The following UMAD1 variants were observed in gnomAD, a reference collection of about 807,000 sequenced individuals.
The protein encoded by UMAD1 is UBAP1-MVB12-associated (UMA) domain containing 1.
In UMAD1, 8 loss-of-function variants were observed where a neutral mutation model predicts 6.1. The ratio of observed to expected loss-of-function variants is 1.30; its 90% CI spans 0.76 to 2.35. The LOEUF is 2.35. Ranked by LOEUF, UMAD1 falls within the 30% of genes most tolerant of loss-of-function variation. The pLI is 0.00. For synonymous variants in UMAD1, 56 were observed against 31.4 expected (o/e 1.78, Z -2.61); for missense variants, 130 against 78.4 (o/e 1.66, Z -2.49).
rs972172645 is a variant in UMAD1, at chr7:7,834,556, C to T, written c.156+32813C>T. 5.8e-4 allele frequency among the ~76,000 whole-genome samples: 88 copies of T among 152,164 alleles called. 1 individual carries two copies. The highest frequency in any genetic ancestry group is 5.2e-3 in the Admixed American group (80 of 15,270). On this transcript the variant is annotated intron_variant, in intron 3 of 3. Transcript: ENST00000682710. Reference sequence around the variant, plus strand: ...TCTAAGATCAAGATTCTGGCCAATTCGGTTCCTGATGAAGAACCCCTTCAT... The same window carrying T: ...TCTAAGATCAAGATTCTGGCCAATTTGGTTCCTGATGAAGAACCCCTTCAT...
intron 3 of UMAD1, among the ~76,000 whole-genome samples, chr7:7,851,593 A>G (rs185406207): frequency 4.1e-4 from 63 of 152,314 alleles, no homozygotes; most frequent in African/African-American, 1.4e-3. Flanking sequence ...GATTATAACC[A>G]TCCTGCTGGG....
At chr7:7,688,037 C>A (rs554594857) in intron 2 of UMAD1, among the ~76,000 whole-genome samples, 13 of 152,212 alleles carry the variant, frequency 8.5e-5, no homozygotes, top group African/African-American at 3.1e-4. Context: ...GTCCCTGTTG[C>A]TGTTGCTATG....
chr7:7,709,594 A>G (rs1311031327), intron 2 of UMAD1, among the ~76,000 whole-genome samples: 1 of 152,242 alleles, frequency 6.6e-6, no homozygotes, highest in Non-Finnish European at 1.5e-5. Context: ...ATGGTTTGTC[A>G]GAAGTCACCT....
In UMAD1 at chr7:7,830,086, T is replaced by G. The variant is rs979646560; in HGVS notation, c.156+28343T>G. 1.3e-5 allele frequency among the ~76,000 whole-genome samples: 2 copies of G among 152,130 alleles called. No individual in the cohort carries two copies. Among genetic ancestry groups the G allele is most frequent in the Admixed American group, 1.3e-4 (2 of 15,258 alleles). ...GTTTTCTACTTTAAAAAAGAAAAGT[T>G]ATATTATTTTCCCACCTCTCCCTCA... is the stretch of plus-strand genomic sequence containing the variant. On this transcript the variant is annotated intron_variant, in intron 3 of 3. Transcript: ENST00000682710. This position sits in a 1 kb window ranked among gnomAD's most constrained non-coding sequence, Gnocchi z 5.3.
intron 2 of UMAD1, among the ~76,000 whole-genome samples, chr7:7,725,804 A>G (rs1781128348): frequency 1.3e-5 from 2 of 152,192 alleles, no homozygotes; most frequent in Admixed American, 1.3e-4. Flanking sequence ...GACTGCACCA[A>G]TGGCCTTTTG....
At chr7:7,774,266 T>G (rs1290570254) in intron 2 of UMAD1, among the ~76,000 whole-genome samples, 1 of 152,140 alleles carries the variant, frequency 6.6e-6, no homozygotes. Flanking sequence ...AGAGTAACAA[T>G]TAAGAAACTG....
At chr7:7,781,859 T>G (rs16871575) in intron 2 of UMAD1, among the ~76,000 whole-genome samples, 1 of 127,394 alleles carries the variant, frequency 7.8e-6, no homozygotes, top group Non-Finnish European at 1.8e-5. Context: ...AATAGAAAAA[T>G]GGTAACCTTG....
At chr7:7,828,941 A>G (rs1783404531) in intron 3 of UMAD1, among the ~76,000 whole-genome samples, 1 of 152,166 alleles carries the variant, frequency 6.6e-6, no homozygotes, top group African/African-American at 2.4e-5. Context: ...TATTATCTTA[A>G]ATTAAGGTAG....
chr7:7,768,607 G>A (rs187180176), intron 2 of UMAD1, among the ~76,000 whole-genome samples: 2 of 152,050 alleles, frequency 1.3e-5, no homozygotes, highest in East Asian at 1.9e-4. Flanking sequence ...CTTCAATGTC[G>A]TGCTTCATTT....
intron 2 of UMAD1, among the ~76,000 whole-genome samples, chr7:7,712,433 C>G (rs1261256669): frequency 6.6e-6 from 1 of 152,010 alleles, no homozygotes; most frequent in Non-Finnish European, 1.5e-5. Flanking sequence ...CTGCTTTTGT[C>G]AGATTTATTC....
chr7:7,654,217 A>C (rs1785290587), intron 1 of UMAD1, among the ~76,000 whole-genome samples: 1 of 152,246 alleles, frequency 6.6e-6, no homozygotes, highest in Non-Finnish European at 1.5e-5. Context: ...TCTCTAGTAG[A>C]TACTTTGAGG....
intron 2 of UMAD1, among the ~76,000 whole-genome samples, chr7:7,689,059 C>T (rs1257294306): frequency 1.3e-5 from 2 of 152,182 alleles, no homozygotes; most frequent in East Asian, 3.9e-4. Context: ...CCTACCTCTG[C>T]TTGACCATGC....
At chr7:7,704,682 A>C (rs1780552288) in intron 2 of UMAD1, among the ~76,000 whole-genome samples, 1 of 143,916 alleles carries the variant, frequency 6.9e-6, no homozygotes, top group African/African-American at 2.6e-5. Context: ...GGTGAGAATC[A>C]CTTGAACCCA....
At chr7:7,667,523 T>G (rs1779496385) in intron 1 of UMAD1, among the ~76,000 whole-genome samples, 1 of 152,196 alleles carries the variant, frequency 6.6e-6, no homozygotes, top group South Asian at 2.1e-4. Flanking sequence ...TGCAGTTTTT[T>G]TTCCCTAAAT....
intron 2 of UMAD1, among the ~76,000 whole-genome samples, chr7:7,786,410 C>T (rs1182360147): frequency 6.6e-6 from 1 of 152,102 alleles, no homozygotes; most frequent in African/African-American, 2.4e-5. Flanking sequence ...GTGTTCTTTT[C>T]ATTGCAGTCT....
intron 2 of UMAD1, among the ~76,000 whole-genome samples, chr7:7,789,591 C>G (rs1467738393): frequency 6.6e-6 from 1 of 150,436 alleles, no homozygotes; most frequent in Non-Finnish European, 1.5e-5. Flanking sequence ...AACTGAAACT[C>G]TGTACTCGTT....
At chr7:7,656,335 A>G (rs1266556569) in intron 1 of UMAD1, among the ~76,000 whole-genome samples, 1 of 151,922 alleles carries the variant, frequency 6.6e-6, no homozygotes, top group African/African-American at 2.4e-5. Flanking sequence ...GTTTTATTAT[A>G]CTTAAAGTTC....
chr7:7,757,597 A>T (rs565738570), intron 2 of UMAD1, among the ~76,000 whole-genome samples: 1 of 152,188 alleles, frequency 6.6e-6, no homozygotes, highest in African/African-American at 2.4e-5. Context: ...GTTTACAGAT[A>T]TTTGGTCATT....
chr7:7,839,205 G>A (rs1783628130), intron 3 of UMAD1, among the ~76,000 whole-genome samples: 1 of 152,070 alleles, frequency 6.6e-6, no homozygotes, highest in Non-Finnish European at 1.5e-5. Context: ...AACAGCAAGG[G>A]TGGGCACTTT....
Sources: gnomAD v4.1 joint callset for allele counts (sites outside exome capture counted in the v4.1 genomes callset) on GRCh38, gnomAD v4.1.1 for gene constraint, Gnocchi (gnomAD v3.1) non-coding constraint, MANE v1.5 for transcripts, NCBI Gene and HGNC (gene_info 2026-07-23, HGNC 2026-07-21) for gene names.